The following AUTS2 variants were observed in gnomAD, a reference collection of about 807,000 sequenced individuals.
AUTS2 encodes the protein autism susceptibility gene 2 protein.
AUTS2 carries 17 observed loss-of-function variants against 112.4 expected under a neutral mutation model. That is an observed-to-expected ratio of 0.15 (90% CI 0.10 to 0.23). The LOEUF (loss-of-function observed/expected upper bound fraction) is 0.23. Among genes scored for constraint, AUTS2 ranks in the 10% least tolerant of loss-of-function variants. The probability of loss-of-function intolerance (pLI) is 1.00; values close to 1 mark genes in which losing one functional copy is unlikely to be tolerated. For missense variants in AUTS2, 1,510 were observed against 1,701.6 expected, an observed-to-expected ratio of 0.89 and a Z score of 1.98; for synonymous variants, 751 against 702.7, an observed-to-expected ratio of 1.07 and a Z score of -1.09.
intron 1 of AUTS2, among the ~76,000 whole-genome samples, chr7:69,890,832 C>T (rs895189602): frequency 6.6e-6 from 1 of 152,210 alleles, no homozygotes; most frequent in East Asian, 1.9e-4. Flanking sequence ...TGGCCTAAAG[C>T]CAGTGCTCCC....
intron 1 of AUTS2, among the ~76,000 whole-genome samples, chr7:69,775,068 T>C (rs1788832943): frequency 1.3e-5 from 2 of 152,242 alleles, no homozygotes; most frequent in Non-Finnish European, 2.9e-5. Flanking sequence ...TTTTTGTATT[T>C]TTTTTATTGG....
intron 1 of AUTS2, among the ~76,000 whole-genome samples, chr7:69,656,827 G>A (rs988617112): frequency 1.3e-5 from 2 of 152,202 alleles, no homozygotes; most frequent in African/African-American, 4.8e-5. Context: ...TAAAGGGTCT[G>A]TGTCCTGTTG....
chr7:70,021,252 G>A (rs1800259800), intron 2 of AUTS2, among the ~76,000 whole-genome samples: 1 of 152,216 alleles, frequency 6.6e-6, no homozygotes, highest in East Asian at 1.9e-4. Flanking sequence ...AAAGTGCTGG[G>A]ATTACAGGCG....
intron 1 of AUTS2, among the ~76,000 whole-genome samples, chr7:69,743,737 ACT>A (rs1021070319): frequency 3.3e-5 from 5 of 151,948 alleles, no homozygotes; most frequent in African/African-American, 1.2e-4. Flanking sequence ...CATTTTACAC[ACT>A]CTCTTATGTC....
At position 69,733,887 on chromosome 7, in the gene AUTS2, T is replaced by G. The variant is rs914417960; in HGVS notation, c.309+133925T>G. Among the ~76,000 whole-genome samples, 10 of 152,184 alleles carry G rather than the reference T, an allele frequency of 6.6e-5. 1 individual carries two copies. ...TCACCTTTTTCTCATAGTATTAATG[T>G]TCTAAGAGTGGCTATACATTATGTT... On this transcript the variant is annotated intron_variant, in intron 1 of 18. Coordinates refer to ENST00000342771, the MANE Select transcript of AUTS2 (RefSeq NM_015570.4).
chr7:70,310,361 A>T (rs1039471638), intron 4 of AUTS2, among the ~76,000 whole-genome samples: 16 of 152,140 alleles, frequency 1.1e-4, no homozygotes, highest in African/African-American at 3.6e-4. Flanking sequence ...CTGTAATCCC[A>T]GCACTTTGGG....
chr7:70,574,875 C>G (rs1802093261), intron 5 of AUTS2, among the ~76,000 whole-genome samples: 1 of 152,202 alleles, frequency 6.6e-6, no homozygotes, highest in Non-Finnish European at 1.5e-5. Context: ...GAGAACTTCA[C>G]TGAGCACCTG....
intron 1 of AUTS2, among the ~76,000 whole-genome samples, chr7:69,856,361 A>G (rs964105503): frequency 2.0e-5 from 3 of 152,304 alleles, no homozygotes; most frequent in East Asian, 1.9e-4. Flanking sequence ...TTTGAGAAGC[A>G]TACTTTAGTA....
At chr7:70,285,591 T>C (rs1334329032) in intron 4 of AUTS2, among the ~76,000 whole-genome samples, 1 of 152,232 alleles carries the variant, frequency 6.6e-6, no homozygotes, top group African/African-American at 2.4e-5. Flanking sequence ...GTTGTCTTTT[T>C]TTGTCTCCCT....
intron 1 of AUTS2, among the ~76,000 whole-genome samples, chr7:69,772,208 CTGAAGCTT>C (rs1788697449): frequency 6.6e-6 from 1 of 152,190 alleles, no homozygotes; most frequent in Non-Finnish European, 1.5e-5. Context: ...TTCTGGATAA[CTGAAGCTT>C]ACACAGCCTG....
intron 2 of AUTS2, among the ~76,000 whole-genome samples, chr7:69,999,371 C>A (rs1019597281): frequency 1.3e-5 from 2 of 152,116 alleles, no homozygotes; most frequent in South Asian, 2.1e-4. Context: ...GCTTCTGTTT[C>A]TGCTATCTTA....
chr7:70,184,902 T>C (rs929986395), intron 4 of AUTS2, among the ~76,000 whole-genome samples: 2 of 152,222 alleles, frequency 1.3e-5, no homozygotes, highest in African/African-American at 4.8e-5. Context: ...GGCTATATTT[T>C]GGCTTAATCT....
chr7:70,004,322 A>G (rs974781803), intron 2 of AUTS2, among the ~76,000 whole-genome samples: 10 of 133,592 alleles, frequency 7.5e-5, no homozygotes, highest in Admixed American at 3.2e-4. Context: ...TATTATATAT[A>G]TAATATATAT....
chr7:69,603,087 T>C (rs1792521755), intron 1 of AUTS2, among the ~76,000 whole-genome samples: 1 of 152,214 alleles, frequency 6.6e-6, no homozygotes, highest in Non-Finnish European at 1.5e-5. Context: ...AAATACGTAG[T>C]ATGTTTTCGG....
chr7:70,210,569 C>A (rs1442852664), intron 4 of AUTS2, among the ~76,000 whole-genome samples: 1 of 152,178 alleles, frequency 6.6e-6, no homozygotes, highest in Non-Finnish European at 1.5e-5. Flanking sequence ...ATTCAAAAGC[C>A]TCTGTGGATT....
At chr7:69,838,364 A>G (rs1791819038) in intron 1 of AUTS2, among the ~76,000 whole-genome samples, 2 of 152,176 alleles carry the variant, frequency 1.3e-5, no homozygotes, top group Non-Finnish European at 2.9e-5. Context: ...CACTGTTCAG[A>G]GTGATTTTTG....
At chr7:70,049,244 G>A (rs748819599) in intron 2 of AUTS2, among the ~76,000 whole-genome samples, 3 of 152,128 alleles carry the variant, frequency 2.0e-5, no homozygotes, top group Admixed American at 6.6e-5. Flanking sequence ...CAATCCAGTA[G>A]TGTTGTCATA....
chr7:70,659,895 G>T (rs543310531), intron 5 of AUTS2, among the ~76,000 whole-genome samples: 80 of 151,966 alleles, frequency 5.3e-4, no homozygotes, highest in African/African-American at 1.9e-3. Flanking sequence ...CAGGCAACTG[G>T]CTGGGCATGG....
chr7:69,948,009 CTG>C (rs1796882504), intron 2 of AUTS2, among the ~76,000 whole-genome samples: 1 of 152,160 alleles, frequency 6.6e-6, no homozygotes, highest in African/African-American at 2.4e-5. Flanking sequence ...AGTTTTTACT[CTG>C]TTATTATTTC....
Sources: allele counts gnomAD v4.1 joint callset (sites outside exome capture counted in the v4.1 genomes callset), GRCh38; gene constraint gnomAD v4.1.1; transcripts MANE v1.5; gene names NCBI Gene and HGNC (gene_info 2026-07-23, HGNC 2026-07-21).